PREX2: variants seen among roughly 807,000 people sequenced by gnomAD.
PREX2 encodes the protein phosphatidylinositol 3,4,5-trisphosphate-dependent Rac exchanger 2 protein.
A neutral mutation model predicts 203.2 loss-of-function variants in PREX2; 107 were observed. That is an observed-to-expected ratio of 0.53 (90% CI 0.45 to 0.62). The LOEUF (loss-of-function observed/expected upper bound fraction) is 0.62, where lower values mean the gene tolerates loss of function less well. PREX2 is among the 20% of genes least tolerant of loss of function. The pLI is 0.00. For synonymous variants in PREX2, 672 were observed against 663.6 expected (o/e 1.01, Z -0.19); for missense variants, 1,777 against 1,955.9 (o/e 0.91, Z 1.72).
chr8:68,029,819 T>A (rs1459628670), intron 5 of PREX2, among the ~76,000 whole-genome samples: 3 of 152,006 alleles, frequency 2.0e-5, no homozygotes, highest in Non-Finnish European at 2.9e-5. Context: ...TTTTGATGAA[T>A]GGGAAAAATA....
At chr8:67,952,635 C>T in intron 1 of PREX2, 100 bp downstream of exon 1, 2 of 1,495,032 alleles carry the variant, frequency 1.3e-6, no homozygotes, top group South Asian at 1.2e-5. Context: ...TGTGCGGGGA[C>T]CCGGGACGGG....
At chr8:68,033,690 A>G (rs1392263257) in intron 6 of PREX2, among the ~76,000 whole-genome samples, 1 of 152,192 alleles carries the variant, frequency 6.6e-6, no homozygotes, top group East Asian at 1.9e-4. Context: ...CTCAAGACTG[A>G]AGATCAAAAT....
chr8:68,004,056 A>G (rs1368354101), intron 1 of PREX2, among the ~76,000 whole-genome samples: 1 of 151,938 alleles, frequency 6.6e-6, no homozygotes, highest in Non-Finnish European at 1.5e-5. Context: ...GGGCTTCACC[A>G]TGTTTGGCCT....
chr8:68,050,062 G>GTGTA (rs1554571130), intron 8 of PREX2, among the ~76,000 whole-genome samples: 1 of 151,180 alleles, frequency 6.6e-6, no homozygotes, highest in African/African-American at 2.4e-5. Flanking sequence ...ATGTATGTGT[G>GTGTA]TATATATATA....
At chr8:68,209,629 C>T (rs1013441719) in intron 37 of PREX2, among the ~76,000 whole-genome samples, 18 of 152,016 alleles carry the variant, frequency 1.2e-4, no homozygotes, top group African/African-American at 3.4e-4. Context: ...AGGTAATGTA[C>T]GTGGAAGTCC....
intron 37 of PREX2, among the ~76,000 whole-genome samples, chr8:68,205,135 T>C (rs1341253034): frequency 1.3e-5 from 2 of 152,182 alleles, no homozygotes; most frequent in Non-Finnish European, 2.9e-5. Flanking sequence ...TCAATAAATA[T>C]TGGGAGGTTA....
At chr8:67,973,320 C>A (rs912897972) in intron 1 of PREX2, among the ~76,000 whole-genome samples, 47 of 152,148 alleles carry the variant, frequency 3.1e-4, no homozygotes, top group African/African-American at 1.0e-3. Flanking sequence ...ACTTGTCATT[C>A]TAGAGCCTTT....
intron 37 of PREX2, among the ~76,000 whole-genome samples, chr8:68,203,332 T>C (rs564919321): frequency 1.3e-5 from 2 of 150,964 alleles, no homozygotes; most frequent in East Asian, 3.9e-4. Flanking sequence ...GAAGAAAATA[T>C]GCATTCATCT....
chr8:68,081,813 G>T (rs979654305), intron 17 of PREX2, among the ~76,000 whole-genome samples: 9 of 151,462 alleles, frequency 5.9e-5, no homozygotes, highest in Non-Finnish European at 1.2e-4. Context: ...TCCTGCCTCA[G>T]CCTCCAGAGT....
At chr8:68,217,076 C>T (rs1388968136) in intron 37 of PREX2, among the ~76,000 whole-genome samples, 1 of 151,962 alleles carries the variant, frequency 6.6e-6, no homozygotes, top group African/African-American at 2.4e-5. Flanking sequence ...CTGGGTATCA[C>T]ATTTCTATAT....
chr8:68,197,680 AC>A (rs1448786003), intron 37 of PREX2, among the ~76,000 whole-genome samples: 1 of 149,720 alleles, frequency 6.7e-6, no homozygotes, highest in African/African-American at 2.4e-5. Flanking sequence ...TCTGCCTTAT[AC>A]TTGTGGCAGA....
At chr8:68,027,360 G>T (rs773510186) in intron 5 of PREX2, 37 bp downstream of exon 5, 1 of 1,238,672 alleles carries the variant, frequency 8.1e-7, no homozygotes, top group Non-Finnish European at 1.2e-6. Context: ...CCATTTTCTT[G>T]TATCTACATA....
rs765626480 is a variant in PREX2, at chr8:68,069,824, A to T, written c.1444-11A>T. 1 of 1,444,620 alleles carries T rather than the reference A, an allele frequency of 6.9e-7. No individual in the cohort carries two copies. Among genetic ancestry groups the T allele is most frequent in the Non-Finnish European group, 9.6e-7 (1 of 1,044,442 alleles). 89.5% of individuals were successfully genotyped at this position (1,444,620 alleles called of 1,614,324 possible). A position where few individuals can be genotyped will look rare whatever the true frequency, so the allele number is the denominator to read the frequency against. Reference sequence around the variant, plus strand: ...TCTCACTTGTTTTTGATATATCTCTATTTTACGTAGGGTGTAAGATTATAT... The same window carrying T: ...TCTCACTTGTTTTTGATATATCTCTTTTTTACGTAGGGTGTAAGATTATAT... On this transcript the variant is annotated splice_polypyrimidine_tract_variant and intron_variant, in intron 12 of 39. Coordinates refer to ENST00000288368, the MANE Select transcript of PREX2 (RefSeq NM_024870.4).
intron 1 of PREX2, among the ~76,000 whole-genome samples, chr8:68,012,204 G>C: frequency 6.6e-6 from 1 of 152,058 alleles, no homozygotes; most frequent in East Asian, 1.9e-4. Flanking sequence ...GTTATTTTGA[G>C]GTCAAATAGA....
chr8:68,030,734 G>A, intron 6 of PREX2, 76 bp downstream of exon 6: 1 of 1,399,844 alleles, frequency 7.1e-7, no homozygotes, highest in Non-Finnish European at 1.0e-6. Context: ...ACTGGCGTTG[G>A]ATGGAACCAT....
rs1290318697 is a variant in PREX2, at chr8:68,224,632, T to A, written c.4775+6T>A. 3 of 1,609,376 alleles carry A rather than the reference T, an allele frequency of 1.9e-6. No homozygotes were observed. In the Admixed American group the frequency reaches 5.0e-5, roughly 27 times the overall value. On this transcript the variant is annotated splice_donor_region_variant and intron_variant, in intron 39 of 39. Coordinates refer to ENST00000288368, the MANE Select transcript of PREX2 (RefSeq NM_024870.4). The stretch of plus-strand genomic sequence containing the variant: ...ACTCCACAGTCTGCACCAAGGTAAG[T>A]GCATCCCCTGCTCTGCCCTTGCCCG...
intron 37 of PREX2, among the ~76,000 whole-genome samples, chr8:68,193,467 T>G (rs1255170641): frequency 6.6e-6 from 1 of 152,218 alleles, no homozygotes; most frequent in African/African-American, 2.4e-5. Flanking sequence ...GTTTACTTAT[T>G]TATTCAAATT....
intron 9 of PREX2, 30 bp from the exon 10 acceptor site, chr8:68,055,800 G>A (rs1342326420): frequency 1.3e-5 from 20 of 1,598,106 alleles, no homozygotes; most frequent in Non-Finnish European, 1.7e-5. Flanking sequence ...AGAATTTTCA[G>A]TTACCTCTCC....
chr8:68,039,171 A>T (rs1199461271), intron 7 of PREX2, among the ~76,000 whole-genome samples: 2 of 152,082 alleles, frequency 1.3e-5, no homozygotes, highest in Non-Finnish European at 2.9e-5. Context: ...TTATGTTGTC[A>T]CTTTTTCTAC....
Sources: gnomAD v4.1 joint callset for allele counts (sites outside exome capture counted in the v4.1 genomes callset) on GRCh38, gnomAD v4.1.1 for gene constraint, MANE v1.5 for transcripts, NCBI Gene and HGNC (gene_info 2026-07-23, HGNC 2026-07-21) for gene names.